Variants in ST8SIA2 observed in about 807,000 individuals in gnomAD.
The protein encoded by ST8SIA2 is alpha-2,8-sialyltransferase 8B.
ST8SIA2 carries 22 observed loss-of-function variants against 37.6 expected under a neutral mutation model. That is an observed-to-expected ratio of 0.58 (90% CI 0.42 to 0.83). ST8SIA2 has a LOEUF of 0.83. Ranked by LOEUF, ST8SIA2 falls within the 40% of genes least tolerant of loss-of-function variation. The pLI, the probability that ST8SIA2 is intolerant of heterozygous loss-of-function variation, is 0.00. For missense variants in ST8SIA2, 382 were observed against 484.7 expected (o/e 0.79, Z 1.99); for synonymous variants, 205 against 201.2 (o/e 1.02, Z -0.16).
chr15:92,405,866 A>G (rs1419539325), intron 1 of ST8SIA2, among the ~76,000 whole-genome samples: 1 of 152,290 alleles, frequency 6.6e-6, no homozygotes, highest in East Asian at 1.9e-4. Context: ...ATCTAAGTTT[A>G]GTGGAGGGGC....
chr15:92,396,670 T>G (rs2049434338), intron 1 of ST8SIA2, among the ~76,000 whole-genome samples: 1 of 152,060 alleles, frequency 6.6e-6, no homozygotes, highest in Non-Finnish European at 1.5e-5. Flanking sequence ...ATTTTTGTAT[T>G]TTTATTAGAG....
rs73547854 is a variant in ST8SIA2 at position 92,450,226 on chromosome 15, G to A, written c.842+5297G>A. Reference sequence around the variant, plus strand: ...TAAGGGATTAACATCCAGGATATGTGAAGAACTCTTACAGCTCAACAACAA... The same window carrying A: ...TAAGGGATTAACATCCAGGATATGTAAAGAACTCTTACAGCTCAACAACAA... On this transcript the variant is annotated intron_variant, in intron 5 of 5. Transcript: ENST00000268164. Among the ~76,000 whole-genome samples the A allele has an allele frequency of 7.4e-3, 1,127 of 152,282 alleles. 16 individuals carry two copies. Among genetic ancestry groups the A allele is most frequent in the African/African-American group, 0.025 (1,036 of 41,546 alleles).
At chr15:92,462,463 A>C (rs1010751700) in intron 5 of ST8SIA2, among the ~76,000 whole-genome samples, 1 of 152,206 alleles carries the variant, frequency 6.6e-6, no homozygotes, top group African/African-American at 2.4e-5. Flanking sequence ...AAAATAAAGA[A>C]GTATTTGGGC....
At chr15:92,457,503 A>C (rs2049927912) in intron 5 of ST8SIA2, among the ~76,000 whole-genome samples, 1 of 152,234 alleles carries the variant, frequency 6.6e-6, no homozygotes, top group Non-Finnish European at 1.5e-5. Context: ...TTAAAATCTC[A>C]AGACTGGGAT....
intron 1 of ST8SIA2, among the ~76,000 whole-genome samples, chr15:92,425,634 CAGG>C (rs2049669828): frequency 6.6e-6 from 1 of 152,118 alleles, no homozygotes; most frequent in African/African-American, 2.4e-5. Context: ...GGTCTGGAGG[CAGG>C]AGGAGGGGGA....
chr15:92,448,456 A>G (rs1007420254), intron 5 of ST8SIA2, among the ~76,000 whole-genome samples: 9 of 152,218 alleles, frequency 5.9e-5, no homozygotes, highest in Non-Finnish European at 1.3e-4. Context: ...GAAAAGACCA[A>G]GGGATTGTAG....
At chr15:92,438,006 C>T (rs955194497) in intron 3 of ST8SIA2, among the ~76,000 whole-genome samples, 7 of 152,220 alleles carry the variant, frequency 4.6e-5, no homozygotes, top group Admixed American at 2.6e-4. Context: ...CCGAGCCAGG[C>T]AGTCCTGGGG....
intron 1 of ST8SIA2, among the ~76,000 whole-genome samples, chr15:92,394,926 G>A (rs1032043980): frequency 1.3e-5 from 2 of 152,338 alleles, no homozygotes; most frequent in East Asian, 3.9e-4. Context: ...CCTCAGGCGG[G>A]CGATCTGGCG....
chr15:92,434,261 T>G lies in ST8SIA2; in HGVS notation c.176T>G (p.Ile59Arg). Reference sequence around the variant, plus strand: ...TTCCCTTCCAGAGCTGAAGTTGTAATAAACGGCTCCTCATCACCAGCTGTT... The same window carrying G: ...TTCCCTTCCAGAGCTGAAGTTGTAAGAAACGGCTCCTCATCACCAGCTGTT... ...HSKSNRAEVV[I>R]NGSSSPAVVD... Residue 59 changes from isoleucine (I) to arginine (R), a missense_variant, in exon 3 of 6, where the codon ATA becomes AGA. Coordinates refer to ENST00000268164, the MANE Select transcript of ST8SIA2 (RefSeq NM_006011.4). 1 of 1,614,064 alleles carries G rather than the reference T, an allele frequency of 6.2e-7. No homozygotes were observed.
At chr15:92,412,884 T>G (rs1251951445) in intron 1 of ST8SIA2, among the ~76,000 whole-genome samples, 1 of 152,180 alleles carries the variant, frequency 6.6e-6, no homozygotes, top group Non-Finnish European at 1.5e-5. Flanking sequence ...TATCAAACTC[T>G]TGGCCTCAAG....
rs140541751 is a variant in ST8SIA2, at chr15:92,403,915, G to A, written c.98+9753G>A. Among the ~76,000 whole-genome samples, 42 of 152,272 alleles carry A rather than the reference G, an allele frequency of 2.8e-4. No individual in the cohort carries two copies. In the East Asian group the frequency reaches 6.6e-3, roughly 24 times the overall value. ...TCCCCGTGGTGTTCTGTCTTGGCCC[G>A]GGCAGGGAGCCTCTTAGGCCGGCTG... is the stretch of plus-strand genomic sequence containing the variant. On this transcript the variant is annotated intron_variant, in intron 1 of 5. Coordinates refer to ENST00000268164, the MANE Select transcript of ST8SIA2 (RefSeq NM_006011.4).
intron 5 of ST8SIA2, among the ~76,000 whole-genome samples, chr15:92,453,392 T>C (rs1002209618): frequency 1.3e-5 from 2 of 152,202 alleles, no homozygotes; most frequent in Non-Finnish European, 2.9e-5. Flanking sequence ...GGATTCTCCA[T>C]ATTTGGGGTC....
chr15:92,444,946 C>G lies in ST8SIA2; in HGVS notation c.842+17C>G. On this transcript the variant is annotated intron_variant, in intron 5 of 5. Transcript: ENST00000268164. The stretch of plus-strand genomic sequence containing the variant: ...CGTTCGCGGGTGAGCGGCCTCCCTA[C>G]AGGCCAGTAGGACCGTCACTAAGTG... 1 of 1,606,836 alleles carries G rather than the reference C, an allele frequency of 6.2e-7. No homozygotes were observed. The highest frequency in any genetic ancestry group is 1.9e-4 in the Middle Eastern group (1 of 5,360).
At position 92,412,412 on chromosome 15, in the gene ST8SIA2, G is replaced by A. The variant is rs114761495; in HGVS notation, c.99-17637G>A. ...GGGGTGAGCAGGGCCTGGAAACATGGTAAATTTTAAAGGAGGGAAGATTGG... is the reference window on the plus strand; with the variant it reads ...GGGGTGAGCAGGGCCTGGAAACATGATAAATTTTAAAGGAGGGAAGATTGG... On this transcript the variant is annotated intron_variant, in intron 1 of 5. Coordinates refer to ENST00000268164, the MANE Select transcript of ST8SIA2 (RefSeq NM_006011.4). Among the ~76,000 whole-genome samples the A allele has an allele frequency of 8.6e-3, 1,303 of 152,052 alleles. 26 individuals carry two copies. The highest frequency in any genetic ancestry group is 0.03 in the African/African-American group (1,233 of 41,482).
intron 1 of ST8SIA2, among the ~76,000 whole-genome samples, chr15:92,402,862 A>C (rs188324482): frequency 6.6e-6 from 1 of 151,966 alleles, no homozygotes; most frequent in African/African-American, 2.4e-5. Context: ...AGAGAGAGAG[A>C]GAGAGAGAGA....
intron 5 of ST8SIA2, among the ~76,000 whole-genome samples, chr15:92,459,003 G>C (rs112367627): frequency 5.0e-4 from 76 of 152,278 alleles, no homozygotes; most frequent in African/African-American, 1.8e-3. Context: ...TCACCACAGG[G>C]ATCAGTGGGG....
chr15:92,457,950 T>C (rs1416779466), intron 5 of ST8SIA2, among the ~76,000 whole-genome samples: 2 of 152,248 alleles, frequency 1.3e-5, no homozygotes, highest in Non-Finnish European at 2.9e-5. Flanking sequence ...TGGGCATTTC[T>C]ATTCCTGTCC....
At chr15:92,445,497 T>G (rs1215264798) in intron 5 of ST8SIA2, among the ~76,000 whole-genome samples, 1 of 152,218 alleles carries the variant, frequency 6.6e-6, no homozygotes, top group Non-Finnish European at 1.5e-5. Flanking sequence ...CTCAGTGCAA[T>G]ATTCTCTAAC....
At position 92,442,194 on chromosome 15, in the gene ST8SIA2, GCA is replaced by G. The variant is rs560810173; in HGVS notation, c.549-2439_549-2438del. On this transcript the variant is annotated intron_variant, in intron 4 of 5. Transcript: ENST00000268164. ...CCCCCAACCCAGCATCCTCACTGAG[GCA>G]CAGTCATTGGAAAAGCTTGGACTTC... Among the ~76,000 whole-genome samples the G allele has an allele frequency of 2.2e-3, 332 of 152,286 alleles. 2 individuals are homozygous for G. Among genetic ancestry groups the G allele is most frequent in the African/African-American group, 7.7e-3 (320 of 41,548 alleles).
Sources: allele counts gnomAD v4.1 joint callset (sites outside exome capture counted in the v4.1 genomes callset), GRCh38; gene constraint gnomAD v4.1.1; transcripts MANE v1.5; gene names NCBI Gene and HGNC (gene_info 2026-07-23, HGNC 2026-07-21).